Variants in RIMBP2 observed in about 807,000 individuals in gnomAD.
RIMBP2 encodes RIMS binding protein 2.
RIMBP2 carries 48 observed loss-of-function variants against 118.6 expected under a neutral mutation model. The ratio of observed to expected loss-of-function variants is 0.40; its 90% confidence interval spans 0.32 to 0.51. RIMBP2 has a LOEUF of 0.51. Ranked by LOEUF, RIMBP2 falls within the 20% of genes least tolerant of loss-of-function variation. The pLI, the probability that RIMBP2 is intolerant of heterozygous loss-of-function variation, is 0.41. For synonymous variants in RIMBP2, 762 were observed against 742.9 expected (o/e 1.03, Z -0.42); for missense variants, 1,551 against 1,768.3 (o/e 0.88, Z 2.20).
chr12:130,401,118 CT>C (rs761521395), intron 21 of RIMBP2, among the ~76,000 whole-genome samples: 8 of 149,764 alleles, frequency 5.3e-5, no homozygotes, highest in Admixed American at 2.7e-4. Context: ...GATTTTATAT[CT>C]TTTTTTTTTA....
chr12:130,438,335 A>ACCGGGGG, intron 12 of RIMBP2, 30 bp downstream of exon 12: 4 of 865,006 alleles, frequency 4.6e-6, no homozygotes, highest in South Asian at 2.6e-5. Flanking sequence ...GGCCTAACAA[A>ACCGGGGG]CCCTCCCCAC....
chr12:130,567,837 C>T (rs1294920729), intron 2 of RIMBP2, among the ~76,000 whole-genome samples: 1 of 152,184 alleles, frequency 6.6e-6, no homozygotes, highest in East Asian at 1.9e-4. Context: ...ACCTAGCCTG[C>T]AGTTCTTCAT....
At position 130,443,552 on chromosome 12, in the gene RIMBP2, C is replaced by T. The variant is rs141541068; in HGVS notation, c.692-892G>A. ...GATTCTGCGCCCAGAAGACCCCCTG[C>T]CTCAGGGGAGCATGTGATGTGTTGT... On this transcript the variant is annotated intron_variant, in intron 10 of 22. Coordinates refer to ENST00000690449, the MANE Select transcript of RIMBP2 (RefSeq NM_001393629.1). 7.2e-5 allele frequency among the ~76,000 whole-genome samples: 11 copies of T among 152,246 alleles called. No homozygotes were observed. The East Asian group carries it at 2.1e-3, about 30-fold the overall frequency.
chr12:130,439,494 TGTGC>T (rs2077871788), intron 11 of RIMBP2, among the ~76,000 whole-genome samples: 1 of 148,788 alleles, frequency 6.7e-6, no homozygotes, highest in South Asian at 2.2e-4. Context: ...TGTATGTGTG[TGTGC>T]GTGTCTGTGG....
intron 1 of RIMBP2, among the ~76,000 whole-genome samples, chr12:130,631,207 T>A (rs923874083): frequency 6.6e-6 from 1 of 152,098 alleles, no homozygotes; most frequent in African/African-American, 2.4e-5. Flanking sequence ...CAATTGAAAA[T>A]CAGGCTATTA....
At chr12:130,405,782 GTTTTT>G (rs1317589322) in intron 21 of RIMBP2, among the ~76,000 whole-genome samples, 1 of 151,798 alleles carries the variant, frequency 6.6e-6, no homozygotes, top group East Asian at 1.9e-4. Context: ...GTTTTGTTTT[GTTTTT>G]GCTTATTTGT....
intron 2 of RIMBP2, among the ~76,000 whole-genome samples, chr12:130,596,248 G>T (rs1003505873): frequency 6.6e-6 from 1 of 152,204 alleles, no homozygotes; most frequent in Admixed American, 6.5e-5. Flanking sequence ...TCATCAGGAA[G>T]CCATGGGTGA....
chr12:130,437,328 G>A (rs757381691), intron 12 of RIMBP2, 37 bp from the exon 13 acceptor site: 3 of 1,522,022 alleles, frequency 2.0e-6, no homozygotes, highest in African/African-American at 1.4e-5. Context: ...GGCTGCCCGA[G>A]GTGAGCCCCG....
At chr12:130,537,495 G>A (rs528034752) in intron 2 of RIMBP2, among the ~76,000 whole-genome samples, 70 of 152,216 alleles carry the variant, frequency 4.6e-4, no homozygotes, top group Non-Finnish European at 7.8e-4. Context: ...ATTGCCATTA[G>A]CAAACGACTT....
chr12:130,441,824 C>A, intron 11 of RIMBP2, 24 bp downstream of exon 11: 2 of 1,601,108 alleles, frequency 1.2e-6, no homozygotes, highest in South Asian at 1.1e-5. Context: ...CCCTGGGGGA[C>A]CCACGGAAGG....
At chr12:130,642,587 G>C (rs1402970913) in intron 1 of RIMBP2, among the ~76,000 whole-genome samples, 1 of 152,148 alleles carries the variant, frequency 6.6e-6, no homozygotes, top group South Asian at 2.1e-4. Context: ...GCCCAGCCTG[G>C]GTTTAGTCTT....
At chr12:130,680,515 G>A (rs1029361126) in intron 1 of RIMBP2, among the ~76,000 whole-genome samples, 1 of 152,180 alleles carries the variant, frequency 6.6e-6, no homozygotes, top group African/African-American at 2.4e-5. Context: ...ACATACACAC[G>A]CAAGCTTGGA....
In RIMBP2 at chr12:130,475,811, G is replaced by A. The variant is rs974436983; in HGVS notation, c.102+3101C>T. Among the ~76,000 whole-genome samples, 5 of 152,092 alleles carry A rather than the reference G, an allele frequency of 3.3e-5. No homozygotes were observed. The highest frequency in any genetic ancestry group is 6.5e-5 in the Admixed American group (1 of 15,272). On this transcript the variant is annotated intron_variant, in intron 5 of 22. Coordinates refer to ENST00000690449, the MANE Select transcript of RIMBP2 (RefSeq NM_001393629.1). This position sits in a 1 kb window ranked among gnomAD's most constrained non-coding sequence, Gnocchi z 4.1. Reference sequence around the variant, plus strand: ...CTGTACAAAAACGGGAGATGCTGCCGTTTACGGAGCTCAAGGAGTTCAGCA... The same window carrying A: ...CTGTACAAAAACGGGAGATGCTGCCATTTACGGAGCTCAAGGAGTTCAGCA...
chr12:130,676,479 T>C (rs371789922), intron 1 of RIMBP2, among the ~76,000 whole-genome samples: 137 of 151,688 alleles, frequency 9.0e-4, no homozygotes, highest in African/African-American at 3.1e-3. Context: ...AAAAATTAGC[T>C]GGGTGTGGTG....
At chr12:130,488,486 G>A (rs4759699) in intron 4 of RIMBP2, among the ~76,000 whole-genome samples, 149,563 of 152,154 alleles carry the variant, frequency 0.98, 73,560 homozygotes, top group East Asian at 1. Flanking sequence ...AAAGAGAAAT[G>A]GACAAGGCTC....
intron 1 of RIMBP2, among the ~76,000 whole-genome samples, chr12:130,709,055 G>A (rs771414000): frequency 2.6e-5 from 4 of 152,270 alleles, no homozygotes; most frequent in African/African-American, 4.8e-5. Context: ...GCATGTAACC[G>A]AGGAAGGCAC....
chr12:130,658,714 C>T (rs2063528549), intron 1 of RIMBP2: 1 of 152,204 alleles, frequency 6.6e-6, no homozygotes, highest in Admixed American at 6.5e-5. Flanking sequence ...AAGCTCCCTC[C>T]CGAGCCGGGT....
chr12:130,470,019 TGGACCAGGAGCCA>T (rs1197486549), intron 6 of RIMBP2, among the ~76,000 whole-genome samples: 1 of 152,178 alleles, frequency 6.6e-6, no homozygotes, highest in Non-Finnish European at 1.5e-5. Context: ...AGGCTGGCAT[TGGACCAGGAGCCA>T]GGGACAGGGG....
At chr12:130,417,866 G>C (rs541526431) in intron 17 of RIMBP2, among the ~76,000 whole-genome samples, 1 of 151,810 alleles carries the variant, frequency 6.6e-6, no homozygotes, top group African/African-American at 2.4e-5. Flanking sequence ...AGAGAGAATG[G>C]GAGGGGAGAG....
Sources: gnomAD v4.1 joint callset for allele counts (sites outside exome capture counted in the v4.1 genomes callset) on GRCh38, gnomAD v4.1.1 for gene constraint, Gnocchi (gnomAD v3.1) non-coding constraint, MANE v1.5 for transcripts, NCBI Gene and HGNC (gene_info 2026-07-23, HGNC 2026-07-21) for gene names.